SHROOM4: variants seen among roughly 807,000 people sequenced by gnomAD.
The protein encoded by SHROOM4 is shroom family member 4.
In SHROOM4, 17 loss-of-function variants were observed where a neutral mutation model predicts 80.3. The ratio of observed to expected loss-of-function variants is 0.21; its 90% CI spans 0.14 to 0.32. SHROOM4 has a LOEUF of 0.32. Among genes scored for constraint, SHROOM4 ranks in the 10% least tolerant of loss-of-function variants. The pLI is 1.00. For synonymous variants in SHROOM4, 400 were observed against 437.5 expected, an observed-to-expected ratio of 0.91 and a Z score of 1.07; for missense variants, 993 against 1,140.3, an observed-to-expected ratio of 0.87 and a Z score of 1.86.
chrX:50,798,795 C>T (rs781945627), intron 1 of SHROOM4, among the ~76,000 whole-genome samples: 4 of 111,456 alleles, frequency 3.6e-5, no homozygotes, highest in African/African-American at 9.8e-5. Context: ...ATCACCAGCC[C>T]GGAGTTAGGG....
chrX:50,616,842 C>G (rs994825371), intron 5 of SHROOM4, among the ~76,000 whole-genome samples: 19 of 111,615 alleles, frequency 1.7e-4, no homozygotes, highest in African/African-American at 6.2e-4. Flanking sequence ...AGGTTGGTTT[C>G]CAAACTATAC....
At chrX:50,719,841 G>A (rs781977693) in intron 1 of SHROOM4, among the ~76,000 whole-genome samples, 1 of 112,424 alleles carries the variant, frequency 8.9e-6, no homozygotes, top group African/African-American at 3.2e-5. Context: ...ACTCAATGCT[G>A]TCAAAATGCA....
At chrX:50,695,459 A>G (rs1933345066) in intron 2 of SHROOM4, among the ~76,000 whole-genome samples, 1 of 112,085 alleles carries the variant, frequency 8.9e-6, no homozygotes, top group Non-Finnish European at 1.9e-5. Context: ...ATGATAGTGT[A>G]TTATAAAGAA....
At chrX:50,599,349 C>G (rs1345914898) in intron 7 of SHROOM4, among the ~76,000 whole-genome samples, 1 of 111,283 alleles carries the variant, frequency 9.0e-6, no homozygotes, top group African/African-American at 3.3e-5. Context: ...ACTGTGAGTT[C>G]TGGAGTTATA....
At chrX:50,576,866 T>C in the SHROOM4 span, among the ~76,000 whole-genome samples, 4 of 111,993 alleles carry the variant, frequency 3.6e-5, no homozygotes, top group Admixed American at 3.8e-4. Context: ...TAAATTTCTA[T>C]TCTTCCCCCA....
chrX:50,660,322 G>C (rs1932450494), intron 2 of SHROOM4, among the ~76,000 whole-genome samples: 1 of 111,286 alleles, frequency 9.0e-6, no homozygotes, highest in South Asian at 3.8e-4. Context: ...GCTCTCAGTT[G>C]ATGCAGATGC....
At chrX:50,759,468 C>CT (rs1470136754) in intron 1 of SHROOM4, among the ~76,000 whole-genome samples, 6 of 111,969 alleles carry the variant, frequency 5.4e-5, no homozygotes, top group African/African-American at 1.9e-4. Flanking sequence ...GCAGTGCTAG[C>CT]AAACGATCAA....
chrX:50,584,595 T>C (rs182273979), downstream of SHROOM4, among the ~76,000 whole-genome samples: 1 of 111,617 alleles, frequency 9.0e-6, no homozygotes, highest in Admixed American at 9.5e-5. Context: ...CAGAGGATAA[T>C]AGTTGTGGAA....
intron 3 of SHROOM4, among the ~76,000 whole-genome samples, chrX:50,636,189 G>A (rs1425476651): frequency 9.0e-6 from 1 of 110,979 alleles, no homozygotes; most frequent in African/African-American, 3.3e-5. Context: ...TAGAGCTTTA[G>A]GTCTCGGTGA....
At chrX:50,783,161 G>A (rs1935664493) in intron 1 of SHROOM4, among the ~76,000 whole-genome samples, 2 of 111,955 alleles carry the variant, frequency 1.8e-5, no homozygotes, top group Non-Finnish European at 3.8e-5. Flanking sequence ...ATATGATCAG[G>A]CAGGCAGAAA....
rs962332813 is a variant in SHROOM4 at position 50,595,005 on chromosome X, A to G, written c.*1690T>C. On this transcript the variant is annotated 3_prime_UTR_variant, in exon 9 of 9. Transcript: ENST00000376020. ...GTGACAAGTATTTGTAACAGCAGCA[A>G]AAGTTCCTTGGCAAATTCTTTGGTT... is the stretch of plus-strand genomic sequence containing the variant. 4 of 112,671 alleles carry G rather than the reference A, an allele frequency of 3.6e-5. No homozygotes were observed. The highest frequency in any genetic ancestry group is 6.5e-5 in the African/African-American group (2 of 30,895). The allele number at this position is 112,671 out of a possible 1,213,427, so 9.3% of individuals were successfully genotyped here.
chrX:50,696,367 A>G (rs1316741865), intron 1 of SHROOM4, among the ~76,000 whole-genome samples: 1 of 111,920 alleles, frequency 8.9e-6, no homozygotes, highest in Non-Finnish European at 1.9e-5. Context: ...TGACAAACGT[A>G]AGTTTGAATC....
chrX:50,576,214 A>G, the SHROOM4 span, among the ~76,000 whole-genome samples: 1 of 111,897 alleles, frequency 8.9e-6, no homozygotes, highest in Non-Finnish European at 1.9e-5. Flanking sequence ...TGGAGCTCCT[A>G]CTTGATCACC....
intron 6 of SHROOM4, among the ~76,000 whole-genome samples, chrX:50,603,088 A>T (rs187386452): frequency 2.7e-5 from 3 of 111,624 alleles, no homozygotes; most frequent in Admixed American, 1.9e-4. Flanking sequence ...ATTAACACTC[A>T]ATTAAAATCC....
intron 2 of SHROOM4, among the ~76,000 whole-genome samples, chrX:50,665,252 G>A (rs936167092): frequency 9.0e-6 from 1 of 110,850 alleles, no homozygotes; most frequent in African/African-American, 3.3e-5. Flanking sequence ...TCCAATCAAA[G>A]AGCTAATTAA....
At chrX:50,624,162 A>G (rs1557252627) in intron 5 of SHROOM4, among the ~76,000 whole-genome samples, 1 of 112,094 alleles carries the variant, frequency 8.9e-6, no homozygotes, top group Non-Finnish European at 1.9e-5. Context: ...TTTAAATTGC[A>G]TTAAATTGTA....
intron 1 of SHROOM4, among the ~76,000 whole-genome samples, chrX:50,763,006 T>C (rs1569548683): frequency 9.0e-6 from 1 of 111,695 alleles, no homozygotes; most frequent in Non-Finnish European, 1.9e-5. Context: ...TATACTCTTC[T>C]CCTTGCAGTA....
Position 50,615,002 on chromosome X carries a change from T to G in SHROOM4, c.2958-6818A>C, listed in dbSNP as rs372559332. 1.5e-4 allele frequency among the ~76,000 whole-genome samples: 17 copies of G among 111,747 alleles called. No homozygotes were observed. The East Asian group carries it at 4.8e-3, about 32-fold the overall frequency. On this transcript the variant is annotated intron_variant, in intron 5 of 8. Coordinates refer to ENST00000376020, the MANE Select transcript of SHROOM4 (RefSeq NM_020717.5). ...TTTTGTAAAAAAGAATGTATATACA[T>G]GCACACACGTTACTTTTCTGGAAGG... is the stretch of plus-strand genomic sequence containing the variant.
intron 1 of SHROOM4, among the ~76,000 whole-genome samples, chrX:50,696,382 C>T (rs1037160513): frequency 8.9e-6 from 1 of 111,877 alleles, no homozygotes. Context: ...TGAATCCTGG[C>T]TCTGCTACTT....
Sources: gnomAD v4.1 joint callset for allele counts (sites outside exome capture counted in the v4.1 genomes callset) on GRCh38, gnomAD v4.1.1 for gene constraint, MANE v1.5 for transcripts, NCBI Gene and HGNC (gene_info 2026-07-23, HGNC 2026-07-21) for gene names.